Variants in INSC observed in about 807,000 individuals in gnomAD.
INSC encodes protein inscuteable homolog.
INSC carries 67 observed loss-of-function variants against 58.6 expected under a neutral mutation model. The ratio of observed to expected loss-of-function variants is 1.14; its 90% CI spans 0.94 to 1.40. The LOEUF is 1.40. Ranked by LOEUF, INSC falls within the 40% of genes most tolerant of loss-of-function variation. The pLI, the probability that INSC is intolerant of heterozygous loss-of-function variation, is 0.00. For missense variants in INSC, 714 were observed against 692.0 expected (o/e 1.03, Z -0.36); for synonymous variants, 262 against 276.1 (o/e 0.95, Z 0.51).
At chr11:15,151,976 AC>A (rs1848667334) in intron 2 of INSC, among the ~76,000 whole-genome samples, 1 of 151,924 alleles carries the variant, frequency 6.6e-6, no homozygotes, top group Non-Finnish European at 1.5e-5. Flanking sequence ...GCCTTTGCAA[AC>A]CCCCACAACA....
At chr11:15,251,178 G>C (rs562402471), downstream of INSC, among the ~76,000 whole-genome samples, 1 of 152,268 alleles carries the variant, frequency 6.6e-6, no homozygotes, top group African/African-American at 2.4e-5. Flanking sequence ...TGGAGTTTCT[G>C]TAAAAACTCC....
At chr11:15,231,077 G>C (rs985088891) in intron 9 of INSC, among the ~76,000 whole-genome samples, 1 of 152,186 alleles carries the variant, frequency 6.6e-6, no homozygotes, top group African/African-American at 2.4e-5. Context: ...GGAGGAAAAG[G>C]CTCAAAAGAG....
chr11:15,220,340 G>C (rs1368308950), intron 7 of INSC, among the ~76,000 whole-genome samples: 1 of 152,138 alleles, frequency 6.6e-6, no homozygotes, highest in Non-Finnish European at 1.5e-5. Context: ...GTGCTTGGTG[G>C]CATGGTCCCC....
At chr11:15,253,814 A>C in the INSC span, among the ~76,000 whole-genome samples, 2 of 152,184 alleles carry the variant, frequency 1.3e-5, no homozygotes, top group Non-Finnish European at 2.9e-5. Flanking sequence ...GACATGACTC[A>C]GTCTCAACTG....
chr11:15,164,302 CCTATT>C (rs1246564720), intron 2 of INSC, among the ~76,000 whole-genome samples: 1 of 152,154 alleles, frequency 6.6e-6, no homozygotes, highest in African/African-American at 2.4e-5. Flanking sequence ...GTTCAGGAAA[CCTATT>C]CTAACTTTAT....
rs114425626 is a variant in INSC at position 15,203,762 on chromosome 11, T to C, written c.819+2813T>C. On this transcript the variant is annotated intron_variant, in intron 7 of 12. Transcript: ENST00000379556. ...TTCTAGTCTAGAAGGTAGCAAGTTA[T>C]GGTCCATGGGCTAAATTCAGCCTGC... Among the ~76,000 whole-genome samples, 1,338 of 152,292 alleles carry C rather than the reference T, an allele frequency of 8.8e-3. 19 individuals are homozygous for C. The highest frequency in any genetic ancestry group is 0.031 in the African/African-American group (1,292 of 41,542).
At chr11:15,111,964 A>G (rs4288739), upstream of INSC, among the ~76,000 whole-genome samples, 5,481 of 151,972 alleles carry the variant, frequency 0.036, 359 homozygotes, top group African/African-American at 0.13. Flanking sequence ...GATACCTATG[A>G]AGTTCTCGTA....
chr11:15,210,686 G>A (rs549061516), intron 7 of INSC, among the ~76,000 whole-genome samples: 12 of 152,082 alleles, frequency 7.9e-5, no homozygotes, highest in Admixed American at 2.6e-4. Flanking sequence ...AAGGGAGGCC[G>A]TGCTCACAGG....
chr11:15,147,654 C>T (rs564976594), intron 1 of INSC, among the ~76,000 whole-genome samples: 1 of 152,278 alleles, frequency 6.6e-6, no homozygotes, highest in Non-Finnish European at 1.5e-5. Flanking sequence ...TGGCTCAGTT[C>T]CAGAAACACA....
chr11:15,165,932 C>T (rs1291681493), intron 2 of INSC, among the ~76,000 whole-genome samples: 1 of 152,076 alleles, frequency 6.6e-6, no homozygotes, highest in Non-Finnish European at 1.5e-5. Context: ...TTGAGCGAGC[C>T]TCATGACCCA....
At chr11:15,157,600 G>C (rs573183129) in intron 2 of INSC, among the ~76,000 whole-genome samples, 3 of 152,186 alleles carry the variant, frequency 2.0e-5, no homozygotes, top group African/African-American at 7.2e-5. Context: ...AATCCAGTAG[G>C]AGAGGTGGAG....
chr11:15,180,638 C>T (rs1454134797), intron 5 of INSC, among the ~76,000 whole-genome samples: 3 of 122,718 alleles, frequency 2.4e-5, no homozygotes, highest in Non-Finnish European at 4.7e-5. Flanking sequence ...AGCTCCTGCC[C>T]TGTTAGAGTG....
chr11:15,173,733 T>A (rs1047080969), intron 2 of INSC, among the ~76,000 whole-genome samples: 7 of 152,162 alleles, frequency 4.6e-5, no homozygotes, highest in Non-Finnish European at 1.0e-4. Flanking sequence ...GGTTATTTTT[T>A]AAAAACAATT....
intron 11 of INSC, 128 bp from the exon 12 acceptor site, chr11:15,240,319 C>T: frequency 4.0e-6 from 3 of 746,476 alleles, no homozygotes; most frequent in Non-Finnish European, 6.8e-6. Context: ...GTTTCCACCA[C>T]AGACTCCCCG....
At chr11:15,113,882 G>C (rs1847631316), upstream of INSC, among the ~76,000 whole-genome samples, 1 of 152,138 alleles carries the variant, frequency 6.6e-6, no homozygotes, top group Admixed American at 6.5e-5. Context: ...ACCTCGGCGT[G>C]GTCGTTTTGT....
At chr11:15,251,407 T>C (rs1852648396), downstream of INSC, among the ~76,000 whole-genome samples, 1 of 152,162 alleles carries the variant, frequency 6.6e-6, no homozygotes. Context: ...ATAGATAAAT[T>C]GGACTTCACC....
intron 7 of INSC, among the ~76,000 whole-genome samples, chr11:15,201,844 G>T (rs1850605609): frequency 6.6e-6 from 1 of 152,148 alleles, no homozygotes; most frequent in Admixed American, 6.5e-5. Context: ...ATGGGGACAG[G>T]GGCCAGCAAA....
chr11:15,216,917 C>T (rs538640896), intron 7 of INSC, among the ~76,000 whole-genome samples: 8 of 152,202 alleles, frequency 5.3e-5, no homozygotes, highest in Non-Finnish European at 8.8e-5. Flanking sequence ...AGGCACTATA[C>T]ATGCAGTCTC....
chr11:15,118,256 A>C (rs1232378027), intron 1 of INSC, among the ~76,000 whole-genome samples: 2 of 151,912 alleles, frequency 1.3e-5, no homozygotes, highest in African/African-American at 4.8e-5. Flanking sequence ...ATCATTTGTC[A>C]CCTCTTATCT....
Sources: allele counts gnomAD v4.1 joint callset (sites outside exome capture counted in the v4.1 genomes callset), GRCh38; gene constraint gnomAD v4.1.1; transcripts MANE v1.5; gene names NCBI Gene and HGNC (gene_info 2026-07-23, HGNC 2026-07-21).